The following DENND4C variants were observed in gnomAD, a reference collection of about 807,000 sequenced individuals.
DENND4C encodes DENN domain-containing protein 4C.
DENND4C carries 108 observed loss-of-function variants against 203.0 expected under a neutral mutation model. The ratio of observed to expected loss-of-function variants is 0.53; its 90% CI spans 0.46 to 0.62. The LOEUF (loss-of-function observed/expected upper bound fraction) is 0.62. Among genes scored for constraint, DENND4C ranks in the 20% least tolerant of loss-of-function variants. The pLI, the probability that DENND4C is intolerant of heterozygous loss-of-function variation, is 0.00. For synonymous variants in DENND4C, 871 were observed against 792.4 expected (o/e 1.10, Z -1.67); for missense variants, 2,481 against 2,301.2 (o/e 1.08, Z -1.60).
Position 19,274,166 on chromosome 9 carries a change from A to G in DENND4C, c.-17-1992A>G, listed in dbSNP as rs1029018489. 1.4e-4 allele frequency among the ~76,000 whole-genome samples: 22 copies of G among 152,168 alleles called. 2 individuals are homozygous for G. Among genetic ancestry groups the G allele is most frequent in the Admixed American group, 4.6e-4 (7 of 15,294 alleles). ...AGAAGCCAGAGAAAAAAGAATACAT[A>G]CTGTATGAGTCTACTTATTATATAA... On this transcript the variant is annotated intron_variant, in intron 1 of 32. Coordinates refer to ENST00000434457, the MANE Select transcript of DENND4C (RefSeq NM_001330640.2).
Position 19,283,613 on chromosome 9 carries a change from T to TC in DENND4C, c.306-3156_306-3155insC, listed in dbSNP as rs200089280. 6.0e-4 allele frequency among the ~76,000 whole-genome samples: 87 copies of TC among 144,018 alleles called. 1 individual carries two copies. The South Asian group carries it at 0.011, about 19-fold the overall frequency. 94.5% of individuals were successfully genotyped at this position (144,018 alleles called of 152,430 possible). On this transcript the variant is annotated intron_variant, in intron 2 of 32. Transcript: ENST00000434457. Reference sequence around the variant, plus strand: ...CAGATGCATTTCTTTTTTCTTTCTTTTTTTTTTTTTTTTTTGAGACAGAGT... The same window carrying TC: ...CAGATGCATTTCTTTTTTCTTTCTTTCTTTTTTTTTTTTTTTGAGACAGAGT...
chr9:19,361,287 T>A (rs986047390), intron 29 of DENND4C, among the ~76,000 whole-genome samples: 9 of 152,214 alleles, frequency 5.9e-5, no homozygotes, highest in Non-Finnish European at 1.3e-4. Context: ...TTTAGTAATT[T>A]CTGTAAGGTG....
intron 9 of DENND4C, among the ~76,000 whole-genome samples, chr9:19,301,370 T>C (rs1489108199): frequency 6.6e-6 from 1 of 152,212 alleles, no homozygotes; most frequent in Non-Finnish European, 1.5e-5. Flanking sequence ...CCTAATCTCT[T>C]GTTTACTCCT....
intron 1 of DENND4C, among the ~76,000 whole-genome samples, chr9:19,249,419 A>AT (rs757765940): frequency 9.9e-4 from 150 of 151,180 alleles, no homozygotes; most frequent in Non-Finnish European, 5.5e-4. Context: ...TGCCCGGCTA[A>AT]TTTTTTTTGT....
intron 17 of DENND4C, among the ~76,000 whole-genome samples, chr9:19,333,159 T>C (rs1819666784): frequency 1.3e-5 from 2 of 151,846 alleles, no homozygotes; most frequent in South Asian, 4.2e-4. Flanking sequence ...GGACTACAGG[T>C]GCACACCACC....
intron 4 of DENND4C, among the ~76,000 whole-genome samples, chr9:19,289,578 C>G (rs1835861471): frequency 6.6e-6 from 1 of 152,032 alleles, no homozygotes; most frequent in South Asian, 2.1e-4. Context: ...CCTGTAATTC[C>G]AGCACTTTGG....
intron 26 of DENND4C, among the ~76,000 whole-genome samples, chr9:19,353,703 C>G (rs770268868): frequency 7.2e-5 from 11 of 152,054 alleles, no homozygotes; most frequent in African/African-American, 2.7e-4. Flanking sequence ...GAGGCCGAGG[C>G]AGGCAGATCA....
chr9:19,301,039 G>T (rs1838460114), intron 9 of DENND4C, among the ~76,000 whole-genome samples: 1 of 152,132 alleles, frequency 6.6e-6, no homozygotes, highest in Non-Finnish European at 1.5e-5. Flanking sequence ...TTAGCCGGGT[G>T]TGGTGGCACA....
intron 3 of DENND4C, among the ~76,000 whole-genome samples, chr9:19,287,229 G>GA (rs1835371248): frequency 6.6e-6 from 1 of 152,104 alleles, no homozygotes; most frequent in Admixed American, 6.5e-5. Flanking sequence ...GGATATTTTT[G>GA]AGGGAGTAAA....
chr9:19,298,410 G>A (rs1837884461), intron 7 of DENND4C, among the ~76,000 whole-genome samples: 1 of 152,052 alleles, frequency 6.6e-6, no homozygotes, highest in South Asian at 2.1e-4. Flanking sequence ...GATTATGTTT[G>A]GGCATGTTTT....
intron 12 of DENND4C, among the ~76,000 whole-genome samples, chr9:19,321,818 T>G (rs1588916274): frequency 1.6e-5 from 2 of 124,160 alleles, no homozygotes; most frequent in Non-Finnish European, 3.2e-5. Context: ...GGTAATAGAG[T>G]GAGACTCCAT....
chr9:19,297,428 C>T (rs947360918), intron 6 of DENND4C, among the ~76,000 whole-genome samples: 3 of 152,150 alleles, frequency 2.0e-5, no homozygotes, highest in Non-Finnish European at 4.4e-5. Flanking sequence ...GTTTAACTTT[C>T]AGCTGTCAGA....
At chr9:19,251,655 T>G (rs1472119814) in intron 1 of DENND4C, among the ~76,000 whole-genome samples, 1 of 152,192 alleles carries the variant, frequency 6.6e-6, no homozygotes, top group Non-Finnish European at 1.5e-5. Context: ...TCTTGAAAGC[T>G]TTGCTGCTTA....
In DENND4C at chr9:19,288,642, C is replaced by T. The variant is rs1835678253; in HGVS notation, c.605C>T (p.Ser202Leu). 2 of 1,231,680 alleles carry T rather than the reference C, an allele frequency of 1.6e-6. No individual in the cohort carries two copies. Among genetic ancestry groups the T allele is most frequent in the Non-Finnish European group, 2.0e-6 (2 of 987,732 alleles). 76.3% of individuals were successfully genotyped at this position (1,231,680 alleles called of 1,614,324 possible). ...TGTTATAAGAAGTCTGTACCTGCTTCAAATGCAATAGCATATAAGGCTGGT... is the reference window on the plus strand; with the variant it reads ...TGTTATAAGAAGTCTGTACCTGCTTTAAATGCAATAGCATATAAGGCTGGT... ...FLCYKKSVPA[S>L]NAIAYKAGLI... Residue 202 changes from serine (S) to leucine (L), a missense_variant, in exon 4 of 33, where the codon TCA (serine) becomes TTA (leucine). By Grantham distance (145) the Ser-to-Leu change is moderately radical. Coordinates refer to ENST00000434457, the MANE Select transcript of DENND4C (RefSeq NM_001330640.2).
intron 18 of DENND4C, 99 bp from the exon 19 acceptor site, chr9:19,336,171 G>GTA (rs148975875): frequency 0.34 from 307,333 of 906,516 alleles, 36,072 homozygotes; most frequent in African/African-American, 0.48. Context: ...TTATATTTGT[G>GTA]TATATATATA....
At chr9:19,342,566 T>G in intron 21 of DENND4C, 67 bp from the exon 22 acceptor site, 1 of 1,455,194 alleles carries the variant, frequency 6.9e-7, no homozygotes, top group Non-Finnish European at 9.2e-7. Flanking sequence ...TATCTAAAAG[T>G]CAATATATGG....
At chr9:19,262,381 C>T (rs1406994697) in intron 1 of DENND4C, among the ~76,000 whole-genome samples, 1 of 151,320 alleles carries the variant, frequency 6.6e-6, no homozygotes, top group Admixed American at 6.6e-5. Flanking sequence ...AGCCTCTGTG[C>T]CTGGCTGAAT....
rs772056560 is a variant in DENND4C at position 19,337,679 on chromosome 9, TC to T, written c.2881+850del. On this transcript the variant is annotated intron_variant, in intron 20 of 32. Coordinates refer to ENST00000434457, the MANE Select transcript of DENND4C (RefSeq NM_001330640.2). ...TGAATGTTAACCACATCAGGTAATT[TC>T]CCATTTATTAGGTTAAATTTTGCTG... is the stretch of plus-strand genomic sequence containing the variant. 27 of 1,288,190 alleles carry T rather than the reference TC, an allele frequency of 2.1e-5. No individual in the cohort carries two copies. In the South Asian group the frequency reaches 3.3e-4, roughly 16 times the overall value. The allele number at this position is 1,288,190 out of a possible 1,614,324, so 79.8% of individuals were successfully genotyped here.
chr9:19,366,812 A>G lies in DENND4C; in HGVS notation c.5525-3025A>G, dbSNP rs565641936. Among the ~76,000 whole-genome samples the G allele has an allele frequency of 6.6e-5, 10 of 152,334 alleles. No homozygotes were observed. In the South Asian group the frequency reaches 2.1e-3, roughly 32 times the overall value. On this transcript the variant is annotated intron_variant, in intron 30 of 32. Transcript: ENST00000434457. ...GTGTTAGTTAGGCAAGGCCTTCAAA[A>G]AAAGCAACAAAAGCACAATCAACAA...
Sources: allele counts gnomAD v4.1 joint callset (sites outside exome capture counted in the v4.1 genomes callset), GRCh38; gene constraint gnomAD v4.1.1; transcripts MANE v1.5; gene names NCBI Gene and HGNC (gene_info 2026-07-23, HGNC 2026-07-21).